The following RPRD1B variants were observed in gnomAD, a reference collection of about 807,000 sequenced individuals.
RPRD1B encodes the protein regulation of nuclear pre-mRNA domain-containing protein 1B.
In RPRD1B, 11 loss-of-function variants were observed where a neutral mutation model predicts 41.5. The observed-to-expected ratio is 0.27, with a 90% CI of 0.17 to 0.44. The LOEUF is 0.44. Among genes scored for constraint, RPRD1B ranks in the 20% least tolerant of loss-of-function variants. The probability of loss-of-function intolerance (pLI) is 1.00; values close to 1 mark genes in which losing one functional copy is unlikely to be tolerated. For missense variants in RPRD1B, 248 were observed against 389.9 expected, an observed-to-expected ratio of 0.64 and a Z score of 3.06; for synonymous variants, 158 against 155.6, an observed-to-expected ratio of 1.02 and a Z score of -0.12.
intron 3 of RPRD1B, among the ~76,000 whole-genome samples, chr20:38,056,390 TAAAAAAA>T (rs1036312626): frequency 6.8e-6 from 1 of 146,612 alleles, no homozygotes; most frequent in South Asian, 2.1e-4. Flanking sequence ...AAACTCCATC[TAAAAAAA>T]AAAAATAAAA....
At chr20:38,059,573 T>C in intron 5 of RPRD1B, 53 bp downstream of exon 5, 3 of 1,585,230 alleles carry the variant, frequency 1.9e-6, no homozygotes, top group Non-Finnish European at 2.6e-6. Flanking sequence ...ATAACTGTAA[T>C]GCAGTAACCC....
At chr20:38,051,557 A>G (rs1309267870) in intron 3 of RPRD1B, among the ~76,000 whole-genome samples, 2 of 152,222 alleles carry the variant, frequency 1.3e-5, no homozygotes, top group Non-Finnish European at 2.9e-5. Context: ...TTTTGTTCAG[A>G]GAGAGATAAT....
At chr20:38,069,986 A>C (rs1414760727) in intron 6 of RPRD1B, among the ~76,000 whole-genome samples, 1 of 151,932 alleles carries the variant, frequency 6.6e-6, no homozygotes, top group Non-Finnish European at 1.5e-5. Flanking sequence ...CCATCACTTG[A>C]TGTAACCTTT....
intron 6 of RPRD1B, among the ~76,000 whole-genome samples, chr20:38,075,361 A>T (rs2074449109): frequency 6.6e-6 from 1 of 152,236 alleles, no homozygotes; most frequent in Non-Finnish European, 1.5e-5. Context: ...AATTAGACTA[A>T]TGGAGCTCTC....
intron 3 of RPRD1B, among the ~76,000 whole-genome samples, chr20:38,056,457 C>A (rs759289146): frequency 6.6e-6 from 1 of 152,038 alleles, no homozygotes; most frequent in Non-Finnish European, 1.5e-5. Flanking sequence ...TGAGTTTGGT[C>A]AGTTAGTATA....
chr20:38,056,086 T>C (rs2074237496), intron 3 of RPRD1B, among the ~76,000 whole-genome samples: 2 of 152,140 alleles, frequency 1.3e-5, no homozygotes, highest in African/African-American at 4.8e-5. Context: ...GACAGAATCA[T>C]TAAGAAGAAG....
intron 6 of RPRD1B, 26 bp from the exon 7 acceptor site, chr20:38,089,700 G>A (rs749948928): frequency 2.5e-6 from 4 of 1,599,344 alleles, no homozygotes; most frequent in Non-Finnish European, 8.6e-7. Context: ...AGACTTAACG[G>A]TATTGTCTTC....
At chr20:38,061,873 G>T (rs113537301) in intron 5 of RPRD1B, among the ~76,000 whole-genome samples, 1 of 151,862 alleles carries the variant, frequency 6.6e-6, no homozygotes, top group Non-Finnish European at 1.5e-5. Context: ...CCCCCACCCC[G>T]CAAACACCCA....
chr20:38,033,838 C>A lies in RPRD1B; in HGVS notation c.-110C>A. The A allele has an allele frequency of 9.0e-7, 1 of 1,116,076 alleles. No individual in the cohort carries two copies. The highest frequency in any genetic ancestry group is 1.6e-5 in the South Asian group (1 of 62,872). 69.1% of individuals were successfully genotyped at this position (1,116,076 alleles called of 1,614,324 possible). On this transcript the variant is annotated 5_prime_UTR_variant, in exon 1 of 7. Coordinates refer to ENST00000373433, the MANE Select transcript of RPRD1B (RefSeq NM_021215.4). ...CTCGCACCCCTGGCAGTCTGTCAGT[C>A]GGTAAAAAGTCCCGCAGCCTGTCAG...
intron 6 of RPRD1B, among the ~76,000 whole-genome samples, chr20:38,079,510 C>T (rs1383845021): frequency 2.6e-5 from 4 of 152,018 alleles, no homozygotes; most frequent in African/African-American, 4.8e-5. Context: ...TGAGAACATG[C>T]GGTATTTGGT....
intron 3 of RPRD1B, among the ~76,000 whole-genome samples, chr20:38,055,932 G>T (rs977198348): frequency 1.3e-5 from 2 of 152,168 alleles, no homozygotes; most frequent in African/African-American, 4.8e-5. Context: ...GAGTTAATAT[G>T]CCATGGTAAC....
At chr20:38,068,025 G>T (rs2074374715) in intron 6 of RPRD1B, among the ~76,000 whole-genome samples, 2 of 152,204 alleles carry the variant, frequency 1.3e-5, no homozygotes, top group Admixed American at 1.3e-4. Flanking sequence ...TTAACTCTTT[G>T]TTCTGTTTTC....
At chr20:38,083,235 T>C (rs1280702011) in intron 6 of RPRD1B, among the ~76,000 whole-genome samples, 4 of 152,236 alleles carry the variant, frequency 2.6e-5, no homozygotes, top group African/African-American at 4.8e-5. Flanking sequence ...GTTTGTCTTA[T>C]ACTTTAGTAT....
chr20:38,088,251 T>A (rs1600448204), intron 6 of RPRD1B, among the ~76,000 whole-genome samples: 1 of 152,222 alleles, frequency 6.6e-6, no homozygotes, highest in East Asian at 1.9e-4. Flanking sequence ...TTGACCTTTT[T>A]CCTGCCTCAT....
At chr20:38,059,033 A>C (rs1193586459) in intron 4 of RPRD1B, among the ~76,000 whole-genome samples, 1 of 152,134 alleles carries the variant, frequency 6.6e-6, no homozygotes, top group Non-Finnish European at 1.5e-5. Flanking sequence ...AGTTGTTAAC[A>C]TCTGATATTT....
intron 3 of RPRD1B, chr20:38,049,806 G>A (rs951261669): frequency 1.3e-5 from 6 of 470,980 alleles, no homozygotes; most frequent in Admixed American, 2.4e-5. Context: ...CTGGAGGATC[G>A]AGTCCAAGTA....
intron 5 of RPRD1B, among the ~76,000 whole-genome samples, chr20:38,062,167 T>C (rs1303158547): frequency 6.6e-6 from 1 of 152,212 alleles, no homozygotes; most frequent in Non-Finnish European, 1.5e-5. Flanking sequence ...TTTGTGGTAA[T>C]TTGCTACAGT....
chr20:38,053,000 G>A (rs985848241), intron 3 of RPRD1B, among the ~76,000 whole-genome samples: 8 of 152,092 alleles, frequency 5.3e-5, no homozygotes, highest in Admixed American at 3.3e-4. Flanking sequence ...TGAGTACAAG[G>A]CCTGCTGGAG....
chr20:38,051,797 G>C (rs1568648197), intron 3 of RPRD1B, among the ~76,000 whole-genome samples: 1 of 152,152 alleles, frequency 6.6e-6, no homozygotes, highest in Non-Finnish European at 1.5e-5. Flanking sequence ...TGTCGCCCAG[G>C]CTGGAGTGCA....
Sources: gnomAD v4.1 joint callset for allele counts (sites outside exome capture counted in the v4.1 genomes callset) on GRCh38, gnomAD v4.1.1 for gene constraint, MANE v1.5 for transcripts, NCBI Gene and HGNC (gene_info 2026-07-23, HGNC 2026-07-21) for gene names.